Variants in TG observed in about 807,000 individuals in gnomAD.
TG encodes the protein thyroid hormones.
In TG, 270 loss-of-function variants were observed where a neutral mutation model predicts 324.7. That is an observed-to-expected ratio of 0.83 (90% CI 0.75 to 0.92). The LOEUF is 0.92. TG is among the 40% of genes least tolerant of loss of function. The pLI is 0.00. For missense variants in TG, 3,591 were observed against 3,456.4 expected, an observed-to-expected ratio of 1.04 and a Z score of -0.98; for synonymous variants, 1,401 against 1,327.0, an observed-to-expected ratio of 1.06 and a Z score of -1.21.
chr8:132,896,675 C>A (rs950631647), intron 11 of TG, among the ~76,000 whole-genome samples: 8 of 152,160 alleles, frequency 5.3e-5, no homozygotes, highest in African/African-American at 9.7e-5. Flanking sequence ...CGCTGCCCAC[C>A]CTTGCTTCTT....
At chr8:133,123,719 C>T (rs1359202841) in intron 45 of TG, among the ~76,000 whole-genome samples, 1 of 140,282 alleles carries the variant, frequency 7.1e-6, no homozygotes, top group Non-Finnish European at 1.6e-5. Context: ...GTTTGGGGAC[C>T]GCACCCCCAG....
intron 41 of TG, chr8:133,039,953 GCA>G (rs3835182): frequency 0.023 from 30,113 of 1,313,318 alleles, 16 homozygotes; most frequent in Middle Eastern, 0.041. Flanking sequence ...GCACTTGCAT[GCA>G]CACACACACA....
intron 1 of TG, among the ~76,000 whole-genome samples, chr8:132,867,624 C>T (rs1303552666): frequency 6.7e-6 from 1 of 150,272 alleles, no homozygotes; most frequent in Non-Finnish European, 1.5e-5. Flanking sequence ...CAAGAGTTCT[C>T]AATGGAAAAA....
chr8:132,946,866 G>A lies in TG; in HGVS notation c.5234-1910G>A, dbSNP rs114136749. On this transcript the variant is annotated intron_variant, in intron 26 of 47. Transcript: ENST00000220616. The stretch of plus-strand genomic sequence containing the variant: ...CTACCTCTCAGGCACAGCCTTCTCA[G>A]GGACATTTGGCACTAGTTAAAGAGG... 3.8e-3 allele frequency among the ~76,000 whole-genome samples: 574 copies of A among 152,256 alleles called. 2 individuals are homozygous for A. Among genetic ancestry groups the A allele is most frequent in the African/African-American group, 0.013 (543 of 41,544 alleles).
At chr8:132,901,046 TC>T (rs1817848636) in intron 15 of TG, among the ~76,000 whole-genome samples, 1 of 152,218 alleles carries the variant, frequency 6.6e-6, no homozygotes, top group African/African-American at 2.4e-5. Flanking sequence ...CTCTGTAGGC[TC>T]CTACACTGCA....
At chr8:132,989,193 C>G (rs1195131059) in intron 35 of TG, among the ~76,000 whole-genome samples, 1 of 152,216 alleles carries the variant, frequency 6.6e-6, no homozygotes, top group African/African-American at 2.4e-5. Context: ...CCCACTGGGT[C>G]CCTCCCACAA....
At position 132,886,965 on chromosome 8, in the gene TG, C is replaced by T; in HGVS notation, c.1593C>T (p.Ser531=). The change falls in exon 9 of 48, where the codon TCC becomes TCT. Residue 531 remains serine, a synonymous_variant. Coordinates refer to ENST00000220616, the MANE Select transcript of TG (RefSeq NM_003235.5). ...PLSVGLDSNS[S]TGTPEAAKKD... ...CTGTGGGATTAGATTCAAATTCTTC[C>T]ACAGGAACCCCTGAAGCTGCTAAGA... 1 of 1,614,136 alleles carries T rather than the reference C, an allele frequency of 6.2e-7. No homozygotes were observed. Among genetic ancestry groups the T allele is most frequent in the Non-Finnish European group, 8.5e-7 (1 of 1,180,030 alleles).
At chr8:133,114,396 C>T (rs1850525256) in intron 44 of TG, among the ~76,000 whole-genome samples, 1 of 152,204 alleles carries the variant, frequency 6.6e-6, no homozygotes. Flanking sequence ...CGCCCCCGGC[C>T]CCAGGGGTTG....
intron 45 of TG, among the ~76,000 whole-genome samples, chr8:133,122,538 G>A (rs1851222346): frequency 6.6e-6 from 1 of 152,164 alleles, no homozygotes; most frequent in African/African-American, 2.4e-5. Context: ...CCTATTGAGT[G>A]CCTACAATGG....
In TG at chr8:133,130,852, C is replaced by A. The variant is rs533006650; in HGVS notation, c.7863-960C>A. ...GCCTCCCGAGAAACAGGCTGTTGAA[C>A]CTTTCATCCCACTGTGAGGAGAAGG... On this transcript the variant is annotated intron_variant, in intron 45 of 47. Transcript: ENST00000220616. 4.0e-5 allele frequency among the ~76,000 whole-genome samples: 6 copies of A among 151,704 alleles called. No individual in the cohort carries two copies. In the South Asian group the frequency reaches 1.0e-3, roughly 26 times the overall value.
At position 132,963,056 on chromosome 8, in the gene TG, G is replaced by A; in HGVS notation, c.5530G>A (p.Ala1844Thr). ...GCRKDTVPRP[A>T]SPTEAGLTTE... Reference sequence around the variant, plus strand: ...TAGAAAAGACACAGTGCCAAGGCCAGCATCTCCAACAGAAGCAGGTACTGA... The same window carrying A: ...TAGAAAAGACACAGTGCCAAGGCCAACATCTCCAACAGAAGCAGGTACTGA... The change falls in exon 29 of 48, where the codon GCA (alanine) becomes ACA (threonine). Residue 1844 changes from alanine (A) to threonine (T), a missense_variant. Transcript: ENST00000220616. The A allele has an allele frequency of 6.2e-7, 1 of 1,614,020 alleles. No individual in the cohort carries two copies. Among genetic ancestry groups the A allele is most frequent in the Non-Finnish European group, 8.5e-7 (1 of 1,179,908 alleles).
intron 23 of TG, among the ~76,000 whole-genome samples, chr8:132,931,253 T>C (rs1449092049): frequency 6.6e-6 from 1 of 152,246 alleles, no homozygotes; most frequent in Non-Finnish European, 1.5e-5. Flanking sequence ...CCCACCCTAA[T>C]GATCTCATTA....
chr8:133,084,030 A>C lies in TG; in HGVS notation c.7240-11014A>C, dbSNP rs77712550. 2.6e-5 allele frequency among the ~76,000 whole-genome samples: 4 copies of C among 152,224 alleles called. No homozygotes were observed. In the East Asian group the frequency reaches 7.7e-4, roughly 29 times the overall value. On this transcript the variant is annotated intron_variant, in intron 41 of 47. Coordinates refer to ENST00000220616, the MANE Select transcript of TG (RefSeq NM_003235.5). Reference sequence around the variant, plus strand: ...CTATGCCATTCCCTCTCCTGTGCTCATGAGGCCATTCCCACCCACCAGCAT... The same window carrying C: ...CTATGCCATTCCCTCTCCTGTGCTCCTGAGGCCATTCCCACCCACCAGCAT...
intron 43 of TG, chr8:133,102,975 G>A (rs971112376): frequency 2.0e-5 from 5 of 256,358 alleles, no homozygotes; most frequent in South Asian, 1.7e-4. Context: ...GCGCTGGCAC[G>A]AGCCCCAGCA....
intron 44 of TG, 106 bp from the exon 45 acceptor site, chr8:133,116,503 T>G (rs1588131425): frequency 1.1e-5 from 10 of 891,828 alleles, no homozygotes; most frequent in Non-Finnish European, 7.5e-6. Context: ...CTGGCAGGGG[T>G]GGGTTGGGGG....
chr8:132,967,936 G>A lies in TG; in HGVS notation c.5829G>A (p.Leu1943=), dbSNP rs1460840459. The A allele has an allele frequency of 8.1e-6, 13 of 1,613,720 alleles. No homozygotes were observed. Among genetic ancestry groups the A allele is most frequent in the Non-Finnish European group, 1.1e-5 (13 of 1,179,902 alleles). ...ATGCCCAGGGCTGCAGACTGATCCT[G>A]CCTCAGATGCCAAAGGCCCTGTTCC... ...ESNAQGCRLI[L]PQMPKALFRK... is the part of the protein sequence containing the mutation. The change falls in exon 31 of 48, where the codon CTG becomes CTA. Residue 1943 remains leucine, a synonymous_variant. Coordinates refer to ENST00000220616, the MANE Select transcript of TG (RefSeq NM_003235.5).
chr8:133,041,540 C>T (rs1267851846), intron 41 of TG, among the ~76,000 whole-genome samples: 1 of 152,122 alleles, frequency 6.6e-6, no homozygotes, highest in Non-Finnish European at 1.5e-5. Context: ...TTGAAATGAC[C>T]TCCCAGGATA....
At chr8:132,930,012 C>G (rs1587449647) in intron 23 of TG, among the ~76,000 whole-genome samples, 2 of 152,146 alleles carry the variant, frequency 1.3e-5, no homozygotes, top group South Asian at 4.1e-4. Context: ...TGTATTCCCC[C>G]CAAGTAGTCC....
At chr8:133,074,264 A>T (rs775641577) in intron 41 of TG, among the ~76,000 whole-genome samples, 7 of 152,140 alleles carry the variant, frequency 4.6e-5, no homozygotes, top group Non-Finnish European at 8.8e-5. Context: ...GCATCTTCTT[A>T]AAGAAGATGC....
Sources: allele counts gnomAD v4.1 joint callset (sites outside exome capture counted in the v4.1 genomes callset), GRCh38; gene constraint gnomAD v4.1.1; transcripts MANE v1.5; gene names NCBI Gene and HGNC (gene_info 2026-07-23, HGNC 2026-07-21).